Variants in CYP4V2 observed in about 807,000 individuals in gnomAD.
CYP4V2 encodes the protein cytochrome P450 family 4 subfamily V member 2.
In CYP4V2, 55 loss-of-function variants were observed where a neutral mutation model predicts 60.8. The observed-to-expected ratio is 0.90, with a 90% CI of 0.73 to 1.13. CYP4V2 has a LOEUF of 1.13. Ranked by LOEUF, CYP4V2 falls within the 50% of genes most tolerant of loss-of-function variation. The pLI is 0.00. For missense variants in CYP4V2, 675 were observed against 662.9 expected, an observed-to-expected ratio of 1.02 and a Z score of -0.20; for synonymous variants, 239 against 236.8, an observed-to-expected ratio of 1.01 and a Z score of -0.08.
At position 186,196,039 on chromosome 4, in the gene CYP4V2, T is replaced by C. The variant is rs1233081636; in HGVS notation, c.364T>C (p.Ser122Pro). The C allele has an allele frequency of 6.2e-7, 1 of 1,614,134 alleles. No individual in the cohort carries two copies. Among genetic ancestry groups the C allele is most frequent in the Non-Finnish European group, 8.5e-7 (1 of 1,179,976 alleles). Residue 122 changes from serine (S) to proline (P), a missense_variant, in exon 3 of 11, where the codon TCT (serine) becomes CCT (proline). By Grantham distance (74) the Ser-to-Pro change is moderately conservative. Coordinates refer to ENST00000378802, the MANE Select transcript of CYP4V2 (RefSeq NM_207352.4). ...LTSSKQIDKS[S>P]MYKFLEPWLG... ...TAGTTCAAAGCAAATTGACAAATCC[T>C]CTATGTACAAGTTTTTAGAACCATG...
intron 7 of CYP4V2, chr4:186,202,901 T>C (rs977758671): frequency 2.0e-5 from 3 of 150,024 alleles, no homozygotes; most frequent in African/African-American, 7.6e-5. Flanking sequence ...TACACATGCA[T>C]GCACACATAT....
chr4:186,208,989 T>TA lies in CYP4V2; in HGVS notation c.1215_1216insA (p.Cys406MetfsTer2). 1 of 1,614,178 alleles carries TA rather than the reference T, an allele frequency of 6.2e-7. No homozygotes were observed. The highest frequency in any genetic ancestry group is 8.5e-7 in the Non-Finnish European group (1 of 1,180,040). ...TATTTGCCCGTAGTGTTAGTGAAGA[T>TA]TGTGAAGTGGGTAAGTATGCTATAC... On this transcript the variant is annotated frameshift_variant, in exon 9 of 11. Coordinates refer to ENST00000378802, the MANE Select transcript of CYP4V2 (RefSeq NM_207352.4). LOFTEE classifies it high-confidence loss of function.
chr4:186,203,103 C>T (rs137990011), intron 7 of CYP4V2: 1 of 152,202 alleles, frequency 6.6e-6, no homozygotes, highest in Non-Finnish European at 1.5e-5. Context: ...TATGTACACT[C>T]GTGTACATAA....
At chr4:186,194,668 C>A in intron 2 of CYP4V2, 56 bp downstream of exon 2, 1 of 1,466,548 alleles carries the variant, frequency 6.8e-7, no homozygotes, top group Non-Finnish European at 9.6e-7. Context: ...GTGTGAGAAT[C>A]TCACCAGAAT....
rs535148387 is a variant in CYP4V2 at position 186,193,622 on chromosome 4, A to G, written c.215-878A>G. On this transcript the variant is annotated intron_variant, in intron 1 of 10. Coordinates refer to ENST00000378802, the MANE Select transcript of CYP4V2 (RefSeq NM_207352.4). ...TTAAGGATTAAATTTATTGCATGCA[A>G]AGTTTCTAGATCACTGTCTAGAAGT... Among the ~76,000 whole-genome samples, 14 of 152,296 alleles carry G rather than the reference A, an allele frequency of 9.2e-5. No homozygotes were observed. The South Asian group carries it at 2.7e-3, about 29-fold the overall frequency.
intron 8 of CYP4V2, among the ~76,000 whole-genome samples, chr4:186,205,684 G>A (rs1736475526): frequency 1.3e-5 from 2 of 152,198 alleles, no homozygotes; most frequent in African/African-American, 4.8e-5. Flanking sequence ...TCACCACAAA[G>A]GAGAGAAAAT....
intron 5 of CYP4V2, among the ~76,000 whole-genome samples, chr4:186,198,277 T>C (rs1440596966): frequency 6.6e-6 from 1 of 152,160 alleles, no homozygotes; most frequent in Non-Finnish European, 1.5e-5. Context: ...TTTGTAGTAG[T>C]ACACAAAACA....
At chr4:186,207,758 C>T (rs55975907) in intron 8 of CYP4V2, among the ~76,000 whole-genome samples, 20,916 of 151,942 alleles carry the variant, frequency 0.14, 1,742 homozygotes, top group Admixed American at 0.2. Context: ...TTCAGCACCT[C>T]GAAAGGAAAC....
intron 3 of CYP4V2, 105 bp downstream of exon 3, chr4:186,196,193 T>C: frequency 9.7e-7 from 1 of 1,026,772 alleles, no homozygotes. Context: ...GTAGCAGGAC[T>C]GTTCTCTCAG....
rs766885745 is a variant in CYP4V2 at position 186,205,222 on chromosome 4, C to G, written c.1010C>G (p.Ala337Gly). The G allele has an allele frequency of 3.1e-6, 5 of 1,614,216 alleles. No individual in the cohort carries two copies. Among genetic ancestry groups the G allele is most frequent in the Non-Finnish European group, 4.2e-6 (5 of 1,180,040 alleles). ...TAGGGGCACGATACAACTGCAGCTG[C>G]AATAAACTGGTCCTTATACCTGTTG... is the stretch of plus-strand genomic sequence containing the variant. ...MFEGHDTTAA[A>G]INWSLYLLGS... Residue 337 changes from alanine (A) to glycine (G), a missense_variant, in exon 8 of 11, where the codon GCA (alanine) becomes GGA (glycine). Physicochemically the swap from Ala to Gly is moderately conservative, Grantham distance 60. Coordinates refer to ENST00000378802, the MANE Select transcript of CYP4V2 (RefSeq NM_207352.4).
In CYP4V2 at chr4:186,210,453, C is replaced by G. The variant is rs1388304743; in HGVS notation, c.1406-16C>G. The G allele has an allele frequency of 6.2e-7, 1 of 1,613,958 alleles. No homozygotes were observed. The highest frequency in any genetic ancestry group is 8.5e-7 in the Non-Finnish European group (1 of 1,180,024). On this transcript the variant is annotated splice_polypyrimidine_tract_variant and intron_variant, in intron 10 of 10. Transcript: ENST00000378802. ...AAATCTATAACTAAAGCGATGGTAT[C>G]TACATTAATTTGAAGGTCAAAAGTT...
At chr4:186,197,292 C>T (rs1736179803) in intron 4 of CYP4V2, 162 bp downstream of exon 4, 6 of 947,486 alleles carry the variant, frequency 6.3e-6, no homozygotes, top group East Asian at 5.0e-5. Flanking sequence ...GCAGCAGCCA[C>T]GCCCAGGGCT....
intron 1 of CYP4V2, among the ~76,000 whole-genome samples, chr4:186,192,732 G>A (rs1049063384): frequency 6.6e-6 from 1 of 152,124 alleles, no homozygotes; most frequent in Non-Finnish European, 1.5e-5. Flanking sequence ...AAAGTACCTG[G>A]TATTTACAAC....
intron 8 of CYP4V2, among the ~76,000 whole-genome samples, 191 bp downstream of exon 8, chr4:186,205,493 C>T (rs1296630038): frequency 1.3e-5 from 2 of 152,308 alleles, no homozygotes; most frequent in South Asian, 2.1e-4. Context: ...CTGTACTAGG[C>T]CGGATGCTGG....
chr4:186,191,740 G>A lies in CYP4V2; in HGVS notation c.-84G>A, dbSNP rs1195509480. 3.2e-6 allele frequency: 4 copies of A among 1,248,346 alleles called. No homozygotes were observed. Among genetic ancestry groups the A allele is most frequent in the Admixed American group, 4.2e-5 (1 of 23,774 alleles). 77.3% of individuals were successfully genotyped at this position (1,248,346 alleles called of 1,614,324 possible). Reference sequence around the variant, plus strand: ...GCCAGGTCCGCGCGGGGAAGTGGGCGGTGTGCGGCCGGCACCGCCTCGCAC... The same window carrying A: ...GCCAGGTCCGCGCGGGGAAGTGGGCAGTGTGCGGCCGGCACCGCCTCGCAC... On this transcript the variant is annotated 5_prime_UTR_variant, in exon 1 of 11. Transcript: ENST00000378802.
intron 8 of CYP4V2, 83 bp downstream of exon 8, chr4:186,205,385 AG>A (rs1707524515): frequency 1.5e-6 from 2 of 1,353,606 alleles, no homozygotes; most frequent in South Asian, 2.4e-5. Context: ...CAGTGTAATG[AG>A]CAGGAAGGCT....
rs119103283 is a variant in CYP4V2 at position 186,196,007 on chromosome 4, T to C, written c.332T>C (p.Ile111Thr). ...ALYNAENVEV[I>T]LTSSKQIDKS... Reference sequence around the variant, plus strand: ...GTATGTTTTTCTCTTCCTAAGGTAATTTTAACTAGTTCAAAGCAAATTGAC... The same window carrying C: ...GTATGTTTTTCTCTTCCTAAGGTAACTTTAACTAGTTCAAAGCAAATTGAC... The change falls in exon 3 of 11, where the codon ATT becomes ACT. Residue 111 changes from isoleucine (I) to threonine (T), a missense_variant. By Grantham distance (89) the Ile-to-Thr change is moderately conservative. Coordinates refer to ENST00000378802, the MANE Select transcript of CYP4V2 (RefSeq NM_207352.4). The C allele has an allele frequency of 6.8e-5, 110 of 1,611,540 alleles. No individual in the cohort carries two copies. The highest frequency in any genetic ancestry group is 1.6e-4 in the Middle Eastern group (1 of 6,072).
chr4:186,199,946 A>G (rs896521970), intron 6 of CYP4V2, among the ~76,000 whole-genome samples: 4 of 152,192 alleles, frequency 2.6e-5, no homozygotes, highest in Non-Finnish European at 5.9e-5. Flanking sequence ...CCCTACCCCC[A>G]AGAGAGCAAA....
At chr4:186,193,407 A>G (rs67247234) in intron 1 of CYP4V2, among the ~76,000 whole-genome samples, 5,643 of 152,304 alleles carry the variant, frequency 0.037, 331 homozygotes, top group African/African-American at 0.13. Flanking sequence ...GAGTGAAGAC[A>G]ATGACGAATA....
Sources: allele counts gnomAD v4.1 joint callset (sites outside exome capture counted in the v4.1 genomes callset), GRCh38; gene constraint gnomAD v4.1.1; transcripts MANE v1.5; gene names NCBI Gene and HGNC (gene_info 2026-07-23, HGNC 2026-07-21).